The following CACNB4 variants were observed in gnomAD, a reference collection of about 807,000 sequenced individuals.
CACNB4 encodes calcium voltage-gated channel auxiliary subunit beta 4.
In CACNB4, 32 loss-of-function variants were observed where a neutral mutation model predicts 71.2. The observed-to-expected ratio is 0.45, with a 90% confidence interval of 0.34 to 0.60. The LOEUF (loss-of-function observed/expected upper bound fraction) is 0.60. Among genes scored for constraint, CACNB4 ranks in the 20% least tolerant of loss-of-function variants. The pLI is 0.01. For missense variants in CACNB4, 464 were observed against 647.9 expected, an observed-to-expected ratio of 0.72 and a Z score of 3.08; for synonymous variants, 231 against 236.9, an observed-to-expected ratio of 0.97 and a Z score of 0.23.
chr2:151,859,444 T>C (rs1350699473), intron 10 of CACNB4: 1 of 152,148 alleles, frequency 6.6e-6, no homozygotes, highest in African/African-American at 2.4e-5. Context: ...ACAAAATGGG[T>C]AGAAAACAGG....
rs760115429 is a variant in CACNB4, at chr2:151,839,132, C to T, written c.1550G>A (p.Arg517Gln). The T allele has an allele frequency of 2.2e-5, 35 of 1,610,556 alleles. 1 individual carries two copies. Among genetic ancestry groups the T allele is most frequent in the South Asian group, 4.4e-5 (4 of 90,902 alleles). ...GSPGGYSHDS[R>Q]HRL ...GTTTCATTAGACTCAAAGCCTATGT[C>T]GGGAGTCATGGCTATATCCCCCAGG... Residue 517 changes from arginine to glutamine, a missense_variant, in exon 14 of 14, where the codon CGA (arginine) becomes CAA (glutamine). Around this residue, in one of 3 missense-constraint regions of CACNB4, gnomAD observed 115 missense variants for 128.8 expected, o/e 0.89. Transcript: ENST00000539935.
rs2099834982 is a variant in CACNB4, at chr2:151,836,770, G to A, written c.*2349C>T. 6.6e-6 allele frequency: 1 copy of A among 151,850 alleles called. No homozygotes were observed. The highest frequency in any genetic ancestry group is 1.5e-5 in the Non-Finnish European group (1 of 67,796). The allele number at this position is 151,850 out of a possible 1,614,324, so 9.4% of individuals were successfully genotyped here. ...ACTTTTAAAAAGTTGAAAGAAGATG[G>A]TAATCTTGATGACTAGGAAATATAT... On this transcript the variant is annotated 3_prime_UTR_variant, in exon 14 of 14. Transcript: ENST00000539935.
intron 2 of CACNB4, among the ~76,000 whole-genome samples, chr2:151,975,948 T>A (rs1279443626): frequency 1.3e-5 from 2 of 152,208 alleles, no homozygotes; most frequent in African/African-American, 4.8e-5. Flanking sequence ...AGACAAATTG[T>A]TCCCAACTGG....
Position 151,837,484 on chromosome 2 carries a change from A to G in CACNB4, c.*1635T>C, listed in dbSNP as rs886054962. 2 of 152,064 alleles carry G rather than the reference A, an allele frequency of 1.3e-5. No individual in the cohort carries two copies. The highest frequency in any genetic ancestry group is 2.4e-5 in the African/African-American group (1 of 41,442). 9.4% of individuals were successfully genotyped at this position (152,064 alleles called of 1,614,324 possible). On this transcript the variant is annotated 3_prime_UTR_variant, in exon 14 of 14. Transcript: ENST00000539935. ...GAATACTGAAAGGCTTGGGGAGAAA[A>G]GAAGATACTATAAAATTAATTATCA... is the stretch of plus-strand genomic sequence containing the variant.
intron 7 of CACNB4, 94 bp from the exon 8 acceptor site, chr2:151,870,705 C>G (rs948946506): frequency 3.9e-6 from 5 of 1,290,936 alleles, no homozygotes; most frequent in Non-Finnish European, 5.5e-6. Context: ...TCAGGTTGAA[C>G]GACAAATGAT....
chr2:152,081,747 T>TA (rs1300142213), intron 2 of CACNB4, among the ~76,000 whole-genome samples: 1 of 152,116 alleles, frequency 6.6e-6, no homozygotes, highest in Non-Finnish European at 1.5e-5. Context: ...ACATATGATT[T>TA]AAAAAAATAT....
At chr2:151,982,074 AGGTTTG>A (rs2099874812) in intron 2 of CACNB4, among the ~76,000 whole-genome samples, 1 of 152,112 alleles carries the variant, frequency 6.6e-6, no homozygotes, top group Non-Finnish European at 1.5e-5. Context: ...AAGAAAATGG[AGGTTTG>A]GGTGCACACT....
chr2:151,907,604 T>C (rs1019477235), intron 2 of CACNB4, among the ~76,000 whole-genome samples: 9 of 152,368 alleles, frequency 5.9e-5, no homozygotes, highest in African/African-American at 1.9e-4. Flanking sequence ...GTCCTTTTTC[T>C]GTTCCAGGAG....
At chr2:151,941,275 ATTTTTTTTTTT>A (rs11346045) in intron 2 of CACNB4, among the ~76,000 whole-genome samples, 3 of 112,302 alleles carry the variant, frequency 2.7e-5, no homozygotes, top group Non-Finnish European at 5.3e-5. Flanking sequence ...AAAATGGTTA[ATTTTTTTTTTT>A]TTTTTTTTTT....
rs2099848422 is a variant in CACNB4 at position 151,883,232 on chromosome 2, G to A, written c.267+19C>T. On this transcript the variant is annotated intron_variant, in intron 3 of 13. Transcript: ENST00000539935. ...AGCAACGACCCACTTTTGAGCCAAA[G>A]AGAAGGAAAGAGACTCACCTTTGCT... 9 of 1,613,588 alleles carry A rather than the reference G, an allele frequency of 5.6e-6. No individual in the cohort carries two copies. The highest frequency in any genetic ancestry group is 6.8e-6 in the Non-Finnish European group (8 of 1,179,648).
At chr2:152,010,250 G>A (rs1299966756) in intron 2 of CACNB4, among the ~76,000 whole-genome samples, 1 of 152,142 alleles carries the variant, frequency 6.6e-6, no homozygotes, top group African/African-American at 2.4e-5. Context: ...CACTAAAACA[G>A]GTAGTCATAA....
intron 2 of CACNB4, among the ~76,000 whole-genome samples, chr2:152,026,064 C>CA (rs1392601509): frequency 7.2e-5 from 11 of 152,292 alleles, no homozygotes; most frequent in African/African-American, 2.6e-4. Context: ...GAGGCCACCA[C>CA]AAGTCACTTG....
chr2:151,948,032 G>A (rs970810283), intron 2 of CACNB4, among the ~76,000 whole-genome samples: 6 of 152,304 alleles, frequency 3.9e-5, no homozygotes, highest in African/African-American at 7.2e-5. Flanking sequence ...TGGGCTTTCA[G>A]TTTTTGGCAT....
At chr2:151,875,853 C>G (rs1166104300) in intron 5 of CACNB4, among the ~76,000 whole-genome samples, 4 of 142,692 alleles carry the variant, frequency 2.8e-5, no homozygotes, top group Non-Finnish European at 6.2e-5. Flanking sequence ...GGGCTGACCC[C>G]CCCATCTCCC....
chr2:152,086,627 T>C (rs1687675027), intron 2 of CACNB4, among the ~76,000 whole-genome samples: 1 of 152,224 alleles, frequency 6.6e-6, no homozygotes, highest in Non-Finnish European at 1.5e-5. Flanking sequence ...CTAGACAAAC[T>C]AAAGGAAGCA....
At chr2:152,099,082 G>A, upstream of CACNB4, 1 of 1,014,328 alleles carries the variant, frequency 9.9e-7, no homozygotes, top group Admixed American at 3.3e-5. Flanking sequence ...GCTGGGCTGC[G>A]GACGGAGGGG....
rs373677349 is a variant in CACNB4, at chr2:151,839,147, T to C, written c.1535A>G (p.Tyr512Cys). 8.7e-6 allele frequency: 14 copies of C among 1,613,148 alleles called. No individual in the cohort carries two copies. The highest frequency in any genetic ancestry group is 1.2e-5 in the Non-Finnish European group (14 of 1,179,328). Residue 512 changes from tyrosine (Y) to cysteine (C), a missense_variant, in exon 14 of 14, where the codon TAT (tyrosine) becomes TGT (cysteine). Transcript: ENST00000539935. ...PHRNRGSPGG[Y>C]SHDSRHRL ...AAGCCTATGTCGGGAGTCATGGCTA[T>C]ATCCCCCAGGTGATCCTCGGTTCCT...
chr2:152,055,530 T>C (rs1421722620), intron 2 of CACNB4, among the ~76,000 whole-genome samples: 1 of 152,182 alleles, frequency 6.6e-6, no homozygotes, highest in East Asian at 1.9e-4. Flanking sequence ...CACTCACTTA[T>C]GGAGACATGG....
chr2:151,892,392 C>T (rs577517388), intron 2 of CACNB4, among the ~76,000 whole-genome samples: 1 of 152,032 alleles, frequency 6.6e-6, no homozygotes, highest in South Asian at 2.1e-4. Flanking sequence ...AAAAGACTTC[C>T]TTCTGTCACA....
Sources: gnomAD v4.1 joint callset for allele counts (sites outside exome capture counted in the v4.1 genomes callset) on GRCh38, gnomAD v4.1.1 for gene constraint, gnomAD v4.1.1 regional missense constraint, MANE v1.5 for transcripts, NCBI Gene and HGNC (gene_info 2026-07-23, HGNC 2026-07-21) for gene names.